The following DLG2 variants were observed in gnomAD, a reference collection of about 807,000 sequenced individuals.
The protein encoded by DLG2 is discs large MAGUK scaffold protein 2.
In DLG2, 45 loss-of-function variants were observed where a neutral mutation model predicts 132.5. That is an observed-to-expected ratio of 0.34 (90% CI 0.27 to 0.44). The LOEUF (loss-of-function observed/expected upper bound fraction) is 0.44. Among genes scored for constraint, DLG2 ranks in the 20% least tolerant of loss-of-function variants. The pLI is 1.00. For synonymous variants in DLG2, 424 were observed against 419.6 expected (o/e 1.01, Z -0.13); for missense variants, 1,045 against 1,196.9 (o/e 0.87, Z 1.87).
intron 6 of DLG2, chr11:84,720,520 C>A (rs1008143678): frequency 1.0e-6 from 1 of 982,830 alleles, no homozygotes; most frequent in Non-Finnish European, 1.2e-6. Flanking sequence ...CCCGCCGTGG[C>A]CATCCCGGAG....
chr11:84,179,367 C>T (rs1404026816), intron 8 of DLG2, among the ~76,000 whole-genome samples: 3 of 152,044 alleles, frequency 2.0e-5, no homozygotes, highest in Non-Finnish European at 4.4e-5. Context: ...AAATCACTGT[C>T]CCCAAAATCA....
chr11:84,724,043 G>C (rs1404787699), intron 6 of DLG2, among the ~76,000 whole-genome samples: 1 of 151,968 alleles, frequency 6.6e-6, no homozygotes, highest in East Asian at 1.9e-4. Flanking sequence ...TTTCTTTGCT[G>C]ATCCTTTTCA....
intron 5 of DLG2, among the ~76,000 whole-genome samples, chr11:85,133,716 G>C (rs1358133481): frequency 6.6e-6 from 1 of 152,108 alleles, no homozygotes; most frequent in African/African-American, 2.4e-5. Context: ...GTGAAAAAAT[G>C]AGTTCTTTCC....
At chr11:84,200,953 G>C (rs868636529) in intron 8 of DLG2, among the ~76,000 whole-genome samples, 1 of 152,258 alleles carries the variant, frequency 6.6e-6, no homozygotes, top group African/African-American at 2.4e-5. Flanking sequence ...TCTCTTGCCT[G>C]ATTTCCCTGG....
intron 6 of DLG2, among the ~76,000 whole-genome samples, chr11:84,864,482 T>C (rs1310750450): frequency 2.6e-5 from 4 of 152,184 alleles, no homozygotes. Flanking sequence ...ACATCAAATA[T>C]ATATTTCTCT....
At chr11:84,943,348 G>A (rs2049742560) in intron 6 of DLG2, among the ~76,000 whole-genome samples, 1 of 151,616 alleles carries the variant, frequency 6.6e-6, no homozygotes, top group African/African-American at 2.4e-5. Context: ...CTGCCTTCCT[G>A]CCTGCCTTTC....
intron 3 of DLG2, among the ~76,000 whole-genome samples, chr11:85,421,396 C>T (rs1438807853): frequency 6.6e-6 from 1 of 151,828 alleles, no homozygotes; most frequent in African/African-American, 2.4e-5. Flanking sequence ...ATTCGGCCAT[C>T]TTACCAGCCA....
intron 7 of DLG2, among the ~76,000 whole-genome samples, chr11:84,506,135 G>A: frequency 7.2e-6 from 1 of 138,734 alleles, no homozygotes; most frequent in East Asian, 2.0e-4. Flanking sequence ...GAGTGCAGTG[G>A]CGGGATCTCG....
At chr11:85,186,637 G>A (rs529061509) in intron 4 of DLG2, among the ~76,000 whole-genome samples, 6 of 152,204 alleles carry the variant, frequency 3.9e-5, no homozygotes, top group Admixed American at 3.9e-4. Context: ...ACAGAACATA[G>A]ATACGTAGTA....
chr11:83,716,089 C>T (rs112000958), intron 18 of DLG2, among the ~76,000 whole-genome samples: 3 of 152,312 alleles, frequency 2.0e-5, no homozygotes, highest in Non-Finnish European at 2.9e-5. Context: ...ATGCCTGGCA[C>T]ATAACATAGC....
intron 6 of DLG2, among the ~76,000 whole-genome samples, chr11:84,688,806 C>T (rs2057673755): frequency 6.6e-6 from 1 of 152,162 alleles, no homozygotes; most frequent in African/African-American, 2.4e-5. Flanking sequence ...CTACAGTGTA[C>T]TCACTGCACA....
At chr11:84,942,275 T>A (rs1002996209) in intron 6 of DLG2, among the ~76,000 whole-genome samples, 1 of 152,074 alleles carries the variant, frequency 6.6e-6, no homozygotes, top group Non-Finnish European at 1.5e-5. Context: ...TAATTTGGGG[T>A]TTGGTTTGCT....
intron 6 of DLG2, among the ~76,000 whole-genome samples, chr11:84,660,029 G>A (rs1377829927): frequency 1.3e-5 from 2 of 152,048 alleles, no homozygotes; most frequent in African/African-American, 4.8e-5. Flanking sequence ...TACCAACCAG[G>A]AAAGCTCACT....
intron 15 of DLG2, among the ~76,000 whole-genome samples, chr11:83,928,218 G>A (rs1304640795): frequency 2.6e-5 from 4 of 151,886 alleles, no homozygotes; most frequent in African/African-American, 4.8e-5. Context: ...GTGGATGGGG[G>A]TTGGGGCCTG....
At chr11:85,125,870 C>T (rs1209326880) in intron 5 of DLG2, among the ~76,000 whole-genome samples, 1 of 151,632 alleles carries the variant, frequency 6.6e-6, no homozygotes, top group Non-Finnish European at 1.5e-5. Flanking sequence ...AGTTCCTTTC[C>T]TTATGGAGTT....
intron 7 of DLG2, among the ~76,000 whole-genome samples, chr11:84,378,369 T>C (rs12277167): frequency 0.21 from 32,328 of 152,094 alleles, 4,700 homozygotes; most frequent in African/African-American, 0.41. Context: ...AGCAACCTAA[T>C]TTGCTGGCAC....
chr11:84,552,867 C>A (rs915980721), intron 6 of DLG2, among the ~76,000 whole-genome samples: 5 of 152,136 alleles, frequency 3.3e-5, no homozygotes, highest in Admixed American at 2.0e-4. Context: ...CTTTAAAACC[C>A]TTCAGTAGTT....
chr11:85,350,812 C>A (rs1469922071), intron 3 of DLG2, among the ~76,000 whole-genome samples: 1 of 152,128 alleles, frequency 6.6e-6, no homozygotes. Flanking sequence ...GTTACTATAG[C>A]CTTGTAGTAT....
intron 9 of DLG2, among the ~76,000 whole-genome samples, chr11:84,121,561 T>C (rs1293469714): frequency 1.9e-5 from 2 of 107,594 alleles, no homozygotes; most frequent in Non-Finnish European, 3.7e-5. Flanking sequence ...TTTTTTTTTT[T>C]TTTTTTTTTT....
Sources: allele counts gnomAD v4.1 joint callset (sites outside exome capture counted in the v4.1 genomes callset), GRCh38; gene constraint gnomAD v4.1.1; transcripts MANE v1.5; gene names NCBI Gene and HGNC (gene_info 2026-07-23, HGNC 2026-07-21).